TMCO5A: variants seen among roughly 807,000 people sequenced by gnomAD.
TMCO5A encodes the protein transmembrane and coiled-coil domains 5A.
A neutral mutation model predicts 42.3 loss-of-function variants in TMCO5A; 34 were observed. The observed-to-expected ratio is 0.80, with a 90% CI of 0.61 to 1.07. The LOEUF (loss-of-function observed/expected upper bound fraction) is 1.07, where lower values mean the gene tolerates loss of function less well. TMCO5A is among the 50% of genes least tolerant of loss of function. TMCO5A has a pLI of 0.00. For synonymous variants in TMCO5A, 131 were observed against 115.6 expected (o/e 1.13, Z -0.86); for missense variants, 357 against 327.9 (o/e 1.09, Z -0.69).
chr15:38,036,368 C>G, the TMCO5A span, among the ~76,000 whole-genome samples: 1 of 152,026 alleles, frequency 6.6e-6, no homozygotes, highest in Non-Finnish European at 1.5e-5. Flanking sequence ...TTCCACTACT[C>G]CCTATTGGTA....
the TMCO5A span, among the ~76,000 whole-genome samples, chr15:37,998,423 T>C: frequency 2.0e-5 from 3 of 152,226 alleles, no homozygotes; most frequent in African/African-American, 7.2e-5. Flanking sequence ...AACATGGATA[T>C]CCAGTTTTCC....
At chr15:38,005,820 T>C in the TMCO5A span, among the ~76,000 whole-genome samples, 1 of 152,138 alleles carries the variant, frequency 6.6e-6, no homozygotes, top group Non-Finnish European at 1.5e-5. Flanking sequence ...ACTTTAGAAA[T>C]AGGCAAAGAC....
At chr15:38,012,041 A>G in the TMCO5A span, among the ~76,000 whole-genome samples, 7 of 152,044 alleles carry the variant, frequency 4.6e-5, no homozygotes, top group Non-Finnish European at 7.4e-5. Flanking sequence ...GGAGAATGGC[A>G]TGAACCTGGG....
At chr15:38,035,462 T>C in the TMCO5A span, among the ~76,000 whole-genome samples, 18 of 152,144 alleles carry the variant, frequency 1.2e-4, no homozygotes, top group African/African-American at 4.1e-4. Flanking sequence ...GCTTGAAAAG[T>C]AGAGCCTAAA....
chr15:38,036,795 T>G, the TMCO5A span, among the ~76,000 whole-genome samples: 5 of 152,096 alleles, frequency 3.3e-5, no homozygotes, highest in Non-Finnish European at 7.4e-5. Context: ...AATTATGTGC[T>G]TGCATGACTC....
chr15:38,006,101 C>G, the TMCO5A span, among the ~76,000 whole-genome samples: 7 of 152,280 alleles, frequency 4.6e-5, no homozygotes, highest in African/African-American at 1.7e-4. Flanking sequence ...CAATTTGTTG[C>G]TACTCACAGT....
the TMCO5A span, among the ~76,000 whole-genome samples, chr15:38,015,130 C>T: frequency 6.6e-6 from 1 of 151,734 alleles, no homozygotes; most frequent in Non-Finnish European, 1.5e-5. Context: ...TCAATTGTGT[C>T]CACCAGATTA....
At chr15:38,014,394 G>C in the TMCO5A span, among the ~76,000 whole-genome samples, 3 of 152,040 alleles carry the variant, frequency 2.0e-5, no homozygotes, top group Admixed American at 2.0e-4. Context: ...TTTCCCTTCA[G>C]CTCCCCATTC....
chr15:37,994,687 A>G, the TMCO5A span: 1 of 152,216 alleles, frequency 6.6e-6, no homozygotes, highest in East Asian at 1.9e-4. Flanking sequence ...ACATGTGCCT[A>G]AAAACTCCCT....
At chr15:38,014,853 T>TTATATATATATATATA in the TMCO5A span, among the ~76,000 whole-genome samples, 15 of 54,624 alleles carry the variant, frequency 2.7e-4, 2 homozygotes, top group South Asian at 6.8e-4. Context: ...AGGAGAAAGA[T>TTATATATATATATATA]TATATATATA....
At chr15:37,981,702 C>T in the TMCO5A span, among the ~76,000 whole-genome samples, 1 of 152,174 alleles carries the variant, frequency 6.6e-6, no homozygotes, top group East Asian at 1.9e-4. Flanking sequence ...AAACTAATAG[C>T]TGCTTTTCTG....
At chr15:37,940,889 CTAAG>C (rs1889711599) in intron 6 of TMCO5A, among the ~76,000 whole-genome samples, 1 of 152,008 alleles carries the variant, frequency 6.6e-6, no homozygotes, top group Non-Finnish European at 1.5e-5. Context: ...AGAGAAATGG[CTAAG>C]TAAGAGTAGG....
chr15:38,003,319 A>G, the TMCO5A span, among the ~76,000 whole-genome samples: 1 of 151,970 alleles, frequency 6.6e-6, no homozygotes, highest in African/African-American at 2.4e-5. Flanking sequence ...TGGCTACCAC[A>G]ACTGGGATTG....
Position 37,958,638 on chromosome 15 carries a change from T to G in TMCO5A, c.669-7987T>G, listed in dbSNP as rs1890349819. Among the ~76,000 whole-genome samples the G allele has an allele frequency of 2.0e-5, 3 of 152,136 alleles. No individual in the cohort carries two copies. The South Asian group carries it at 6.2e-4, about 32-fold the overall frequency. On this transcript the variant is annotated intron_variant, in intron 11 of 11. Transcript: ENST00000559502. ...GAAACAACAGATGCTGGGGAGAATGTGGAGAAATAGGAACGCTTTTACACT... is the reference window on the plus strand; with the variant it reads ...GAAACAACAGATGCTGGGGAGAATGGGGAGAAATAGGAACGCTTTTACACT...
chr15:38,016,717 C>T, the TMCO5A span, among the ~76,000 whole-genome samples: 1 of 152,138 alleles, frequency 6.6e-6, no homozygotes, highest in Non-Finnish European at 1.5e-5. Flanking sequence ...TGGAATGCTC[C>T]TGCTTTAAAT....
chr15:37,996,376 T>A, the TMCO5A span, among the ~76,000 whole-genome samples: 1 of 152,136 alleles, frequency 6.6e-6, no homozygotes, highest in Non-Finnish European at 1.5e-5. Flanking sequence ...AAGAAGTGGA[T>A]TCAACGTGGG....
the TMCO5A span, among the ~76,000 whole-genome samples, chr15:38,032,567 A>T: frequency 6.6e-6 from 1 of 152,152 alleles, no homozygotes; most frequent in Admixed American, 6.6e-5. Context: ...ATTTATAATT[A>T]TTTGTTAATT....
At chr15:37,974,048 T>C in the TMCO5A span, among the ~76,000 whole-genome samples, 8 of 152,266 alleles carry the variant, frequency 5.3e-5, no homozygotes, top group African/African-American at 1.9e-4. Context: ...GTTCTGTTTA[T>C]GTGATGAATC....
Position 37,943,391 on chromosome 15 carries a change from A to C in TMCO5A, c.620A>C (p.Asn207Thr). Residue 207 changes from asparagine to threonine, a missense_variant, in exon 10 of 12, where the codon AAT becomes ACT. Transcript: ENST00000319669. ...GTGGAAAAAGAGCATACCAGCCAAA[A>C]TAATGAGGTAAACACTCCATTCTCT... ...NPVEKEHTSQ[N>T]NEGTPTQKTA... 6.2e-7 allele frequency: 1 copy of C among 1,612,358 alleles called. No individual in the cohort carries two copies. Among genetic ancestry groups the C allele is most frequent in the South Asian group, 1.1e-5 (1 of 91,026 alleles).
Sources: allele counts gnomAD v4.1 joint callset (sites outside exome capture counted in the v4.1 genomes callset), GRCh38; gene constraint gnomAD v4.1.1; transcripts MANE v1.5; gene names NCBI Gene and HGNC (gene_info 2026-07-23, HGNC 2026-07-21).